PRC1: variants seen among roughly 807,000 people sequenced by gnomAD.
PRC1 encodes protein regulator of cytokinesis 1.
Under a neutral mutation model 91.2 loss-of-function variants are expected in PRC1, and 54 were observed. That is an observed-to-expected ratio of 0.59 (90% CI 0.48 to 0.74). The LOEUF (loss-of-function observed/expected upper bound fraction) is 0.74. Among genes scored for constraint, PRC1 ranks in the 30% least tolerant of loss-of-function variants. The pLI is 0.00. For missense variants in PRC1, 727 were observed against 746.2 expected (o/e 0.97, Z 0.30); for synonymous variants, 275 against 263.6 (o/e 1.04, Z -0.42).
rs1188211860 is a variant in PRC1 at position 90,976,703 on chromosome 15, T to C, written c.1176A>G (p.Arg392=). ...GGNLLKEEKQ[R]AKLQKMLPKL... Reference sequence around the variant, plus strand: ...TGGGCAGCATTTTCTGGAGCTTGGCTCGTTGTTTTTCTTCTTTTAGAAGAT... The same window carrying C: ...TGGGCAGCATTTTCTGGAGCTTGGCCCGTTGTTTTTCTTCTTTTAGAAGAT... The change falls in exon 9 of 15, where the codon CGA becomes CGG. Residue 392 remains arginine, a synonymous_variant. Transcript: ENST00000394249. 6.2e-7 allele frequency: 1 copy of C among 1,613,586 alleles called. No homozygotes were observed. The highest frequency in any genetic ancestry group is 1.3e-5 in the African/African-American group (1 of 75,040).
At position 90,976,712 on chromosome 15, in the gene PRC1, T is replaced by G. The variant is rs201488822; in HGVS notation, c.1167A>C (p.Glu389Asp). The change falls in exon 9 of 15, where the codon GAA (glutamate) becomes GAC (aspartate). Residue 389 changes from glutamate to aspartate, a missense_variant. By Grantham distance (45) the Glu-to-Asp change is conservative (BLOSUM62 2). Coordinates refer to ENST00000394249, the MANE Select transcript of PRC1 (RefSeq NM_003981.4). Reference protein sequence around the residue: ...TNRGGNLLKEEKQRAKLQKML... With the variant: ...TNRGGNLLKEDKQRAKLQKML... ...TTTTCTGGAGCTTGGCTCGTTGTTT[T>G]TCTTCTTTTAGAAGATTTCCTCCTC... The G allele has an allele frequency of 6.2e-7, 1 of 1,613,908 alleles. No homozygotes were observed. The highest frequency in any genetic ancestry group is 1.3e-5 in the African/African-American group (1 of 75,060).
rs2039193822 is a variant in PRC1, at chr15:90,981,531, T to G, written c.640A>C (p.Asn214His). Reference protein sequence around the residue: ...DEDAFCLSLENIATLQKLLRQ... With the variant: ...DEDAFCLSLEHIATLQKLLRQ... ...AGCAACTTTTGTAGTGTTGCAATAT[T>G]CTCCAAAGACAAACAAAAGGCATCT... The change falls in exon 5 of 15, where the codon AAT becomes CAT. Residue 214 changes from asparagine to histidine, a missense_variant. By Grantham distance (68) the Asn-to-His change is moderately conservative (BLOSUM62 1). Transcript: ENST00000394249. The G allele has an allele frequency of 3.1e-6, 5 of 1,613,972 alleles. No individual in the cohort carries two copies. The East Asian group carries it at 8.9e-5, about 29-fold the overall frequency.
intron 11 of PRC1, among the ~76,000 whole-genome samples, chr15:90,973,503 C>T (rs955735128): frequency 4.6e-5 from 7 of 152,100 alleles, no homozygotes; most frequent in African/African-American, 1.7e-4. Context: ...CCTGACCATC[C>T]CCCAGCCCGA....
chr15:90,971,302 T>C (rs1411145866), intron 11 of PRC1, among the ~76,000 whole-genome samples: 4 of 152,192 alleles, frequency 2.6e-5, no homozygotes, highest in Non-Finnish European at 5.9e-5. Context: ...GTAAATGTTT[T>C]TGAGATGGGG....
intron 1 of PRC1, chr15:90,988,403 G>T (rs902726420): frequency 6.6e-6 from 1 of 152,192 alleles, no homozygotes; most frequent in South Asian, 2.1e-4. Context: ...ACAGCTAGTT[G>T]TTCATAATAA....
intron 1 of PRC1, chr15:90,988,392 A>G (rs1398318140): frequency 1.3e-5 from 2 of 152,110 alleles, no homozygotes; most frequent in Non-Finnish European, 2.9e-5. Flanking sequence ...ATCTCCACAT[A>G]ACAGCTAGTT....
rs370133874 is a variant in PRC1 at position 90,967,096 on chromosome 15, C to G, written c.*35G>C. 2.5e-5 allele frequency: 39 copies of G among 1,584,444 alleles called. No individual in the cohort carries two copies. Among genetic ancestry groups the G allele is most frequent in the Non-Finnish European group, 3.2e-5 (37 of 1,153,118 alleles). ...CATATAATTAGGTCCAGTCTAGGCA[C>G]AGGAAGCCACAGCTGGTTGACTGAT... On this transcript the variant is annotated 3_prime_UTR_variant, in exon 15 of 15. Transcript: ENST00000394249.
chr15:90,971,838 G>A (rs1036216875), intron 11 of PRC1, among the ~76,000 whole-genome samples: 1 of 151,772 alleles, frequency 6.6e-6, no homozygotes, highest in African/African-American at 2.4e-5. Context: ...GACCATCCTG[G>A]CCAACAAAGT....
At position 90,971,633 on chromosome 15, in the gene PRC1, G is replaced by A. The variant is rs75773695; in HGVS notation, c.1462-1119C>T. ...AAAAAAATTCTAGGGGGCCGGGCAC[G>A]GTGGCTCATCTGAGGTCGGGAGTAT... On this transcript the variant is annotated intron_variant, in intron 11 of 14. Transcript: ENST00000394249. Among the ~76,000 whole-genome samples the A allele has an allele frequency of 6.6e-3, 999 of 151,180 alleles. 18 individuals are homozygous for A. Among genetic ancestry groups the A allele is most frequent in the African/African-American group, 0.023 (940 of 41,114 alleles).
Position 90,974,567 on chromosome 15 carries a change from G to T in PRC1, c.1350+18C>A, listed in dbSNP as rs774856100. 1.2e-6 allele frequency: 2 copies of T among 1,613,854 alleles called. No homozygotes were observed. Among genetic ancestry groups the T allele is most frequent in the East Asian group, 4.5e-5 (2 of 44,862 alleles). ...CTTTCTTCGTCTTTTCCCAATTTGCGTTCACGTTCACACTTACTCTTTCCT... is the reference window on the plus strand; with the variant it reads ...CTTTCTTCGTCTTTTCCCAATTTGCTTTCACGTTCACACTTACTCTTTCCT... On this transcript the variant is annotated intron_variant, in intron 10 of 14. Transcript: ENST00000394249. This position sits in a 1 kb window ranked among gnomAD's most constrained non-coding sequence, Gnocchi z 4.6.
At chr15:90,978,029 A>G (rs1025673822) in intron 8 of PRC1, among the ~76,000 whole-genome samples, 1 of 152,206 alleles carries the variant, frequency 6.6e-6, no homozygotes, top group Admixed American at 6.5e-5. Flanking sequence ...GTAAACTTGA[A>G]GGAGTTGAAT....
intron 1 of PRC1, 140 bp downstream of exon 1, chr15:90,994,267 C>G: frequency 7.4e-7 from 1 of 1,345,696 alleles, no homozygotes; most frequent in Non-Finnish European, 1.0e-6. Context: ...CCCCTCAGCG[C>G]CCCCGGCCTC....
At chr15:90,979,323 A>AC in intron 7 of PRC1, 29 bp from the exon 8 acceptor site, 8 of 1,591,430 alleles carry the variant, frequency 5.0e-6, no homozygotes, top group Non-Finnish European at 6.8e-6. Flanking sequence ...GTAGTTTAAA[A>AC]CAATTCCTCT....
chr15:90,978,536 G>C (rs1359994515), intron 8 of PRC1, among the ~76,000 whole-genome samples: 1 of 152,100 alleles, frequency 6.6e-6, no homozygotes, highest in Non-Finnish European at 1.5e-5. Context: ...CAGATCAGCT[G>C]AAGTCAGGAG....
At chr15:90,969,790 A>ATATATATATG (rs1555450084) in intron 12 of PRC1, among the ~76,000 whole-genome samples, 167 bp from the exon 13 acceptor site, 30 of 108,840 alleles carry the variant, frequency 2.8e-4, no homozygotes, top group African/African-American at 1.1e-3. Context: ...ATATATATAT[A>ATATATATATG]TATATATATA....
chr15:90,980,751 C>G lies in PRC1; in HGVS notation c.822+133G>C. ...GAACTCCTGACCTCAAATGATTCAC[C>G]TGCCTCGGCCTCCCAAAGTGCTGGG... is the stretch of plus-strand genomic sequence containing the variant. On this transcript the variant is annotated intron_variant, in intron 6 of 14. Coordinates refer to ENST00000394249, the MANE Select transcript of PRC1 (RefSeq NM_003981.4). The G allele has an allele frequency of 2.4e-6, 3 of 1,255,418 alleles. No homozygotes were observed. In the South Asian group the frequency reaches 4.3e-5, roughly 18 times the overall value. 77.8% of individuals were successfully genotyped at this position (1,255,418 alleles called of 1,614,324 possible).
intron 1 of PRC1, chr15:90,988,555 G>T (rs1176277838): frequency 6.6e-6 from 1 of 152,178 alleles, no homozygotes; most frequent in Non-Finnish European, 1.5e-5. Flanking sequence ...ACACTCCCCA[G>T]GTCTCTGGCC....
intron 1 of PRC1, among the ~76,000 whole-genome samples, chr15:90,989,838 T>C (rs12899639): frequency 0.041 from 6,166 of 152,192 alleles, 191 homozygotes; most frequent in South Asian, 0.068. Context: ...TTTTATGAAA[T>C]ATCCAGAATA....
At chr15:90,978,851 C>T (rs1245773323) in intron 8 of PRC1, among the ~76,000 whole-genome samples, 3 of 150,220 alleles carry the variant, frequency 2.0e-5, no homozygotes, top group Non-Finnish European at 2.9e-5. Flanking sequence ...GGTGGGGGAG[C>T]GCCCTGAGCC....
Sources: gnomAD v4.1 joint callset for allele counts (sites outside exome capture counted in the v4.1 genomes callset) on GRCh38, gnomAD v4.1.1 for gene constraint, Gnocchi (gnomAD v3.1) non-coding constraint, MANE v1.5 for transcripts, NCBI Gene and HGNC (gene_info 2026-07-23, HGNC 2026-07-21) for gene names.